Variants in CNOT7 observed in about 807,000 individuals in gnomAD.
CNOT7 encodes the protein CCR4-NOT transcription complex subunit 7, also known as BTG1-binding factor 1.
In CNOT7, 4 loss-of-function variants were observed where a neutral mutation model predicts 37.1. The ratio of observed to expected loss-of-function variants is 0.11; its 90% CI spans 0.05 to 0.25. The LOEUF is 0.25. Ranked by LOEUF, CNOT7 falls within the 10% of genes least tolerant of loss-of-function variation. The pLI, the probability that CNOT7 is intolerant of heterozygous loss-of-function variation, is 1.00. For synonymous variants in CNOT7, 128 were observed against 115.6 expected, an observed-to-expected ratio of 1.11 and a Z score of -0.69; for missense variants, 170 against 336.2, an observed-to-expected ratio of 0.51 and a Z score of 3.87.
rs561994425 is a variant in CNOT7, at chr8:17,226,132, A to C, written c.*4588T>G. ...AGGACATTATTTAGGTACTCAAGGA[A>C]ACTTTTCACCAAATTTTTATTCTAA... On this transcript the variant is annotated 3_prime_UTR_variant, in exon 7 of 7. Coordinates refer to ENST00000361272, the MANE Select transcript of CNOT7 (RefSeq NM_013354.7). 1 of 148,418 alleles carries C rather than the reference A, an allele frequency of 6.7e-6. No individual in the cohort carries two copies. The highest frequency in any genetic ancestry group is 2.1e-4 in the South Asian group (1 of 4,774). The allele number at this position is 148,418 out of a possible 1,614,324, so 9.2% of individuals were successfully genotyped here.
At chr8:17,238,188 A>T (rs1468407734) in intron 3 of CNOT7, among the ~76,000 whole-genome samples, 1 of 152,198 alleles carries the variant, frequency 6.6e-6, no homozygotes, top group Non-Finnish European at 1.5e-5. Context: ...TTACCAAAAT[A>T]CAGATACATT....
At chr8:17,243,520 A>C (rs1177264215) in intron 2 of CNOT7, 3 of 485,126 alleles carry the variant, frequency 6.2e-6, no homozygotes, top group African/African-American at 3.9e-5. Context: ...CAGTATTCCA[A>C]TGCTAAAACC....
intron 3 of CNOT7, chr8:17,242,154 T>C (rs1810258722): frequency 1.3e-5 from 2 of 152,180 alleles, no homozygotes; most frequent in Non-Finnish European, 2.9e-5. Context: ...AATCCACATA[T>C]ACACGAGAAC....
chr8:17,240,110 ATCTT>A (rs1351479359), intron 3 of CNOT7, among the ~76,000 whole-genome samples: 1 of 152,160 alleles, frequency 6.6e-6, no homozygotes, highest in Non-Finnish European at 1.5e-5. Context: ...GTCAATTTTG[ATCTT>A]TCTTCCAAAT....
At chr8:17,232,268 A>C in intron 6 of CNOT7, 159 bp downstream of exon 6, 2 of 1,469,850 alleles carry the variant, frequency 1.4e-6, no homozygotes, top group Admixed American at 5.7e-5. Context: ...AAGATGACTT[A>C]TTTTTGAATA....
intron 4 of CNOT7, among the ~76,000 whole-genome samples, chr8:17,235,318 A>G (rs1257596448): frequency 3.9e-5 from 6 of 152,212 alleles, no homozygotes; most frequent in Non-Finnish European, 8.8e-5. Context: ...AAGTCATCCC[A>G]CTTTTACATA....
At chr8:17,242,676 C>G in intron 3 of CNOT7, 2 of 196,108 alleles carry the variant, frequency 1.0e-5, no homozygotes, top group East Asian at 2.6e-4. Flanking sequence ...GGCTATATTT[C>G]AAATTGCACA....
chr8:17,244,978 T>C (rs1585855771), intron 2 of CNOT7, 58 bp downstream of exon 2: 3 of 1,377,182 alleles, frequency 2.2e-6, no homozygotes, highest in East Asian at 2.4e-5. Context: ...TTCAAGACTT[T>C]AAAATTTCCT....
In CNOT7 at chr8:17,225,056, A is replaced by G. The variant is rs1808072913; in HGVS notation, c.*5664T>C. 1 of 151,750 alleles carries G rather than the reference A, an allele frequency of 6.6e-6. No individual in the cohort carries two copies. Among genetic ancestry groups the G allele is most frequent in the African/African-American group, 2.4e-5 (1 of 41,426 alleles). The allele number at this position is 151,750 out of a possible 1,614,324, so 9.4% of individuals were successfully genotyped here. A position where few individuals can be genotyped will look rare whatever the true frequency, so the allele number is the denominator to read the frequency against. ...TACAGTATTAATTTTTTAGAAAAACAAAACAGGTATATGGCATGAGTGAAA... is the reference window on the plus strand; with the variant it reads ...TACAGTATTAATTTTTTAGAAAAACGAAACAGGTATATGGCATGAGTGAAA... On this transcript the variant is annotated 3_prime_UTR_variant, in exon 7 of 7. Coordinates refer to ENST00000361272, the MANE Select transcript of CNOT7 (RefSeq NM_013354.7).
intron 2 of CNOT7, chr8:17,244,461 CAT>C (rs145734268): frequency 0.088 from 13,346 of 152,336 alleles, 668 homozygotes; most frequent in South Asian, 0.19. Context: ...ACCTGGCACT[CAT>C]AGCCACGCCC....
chr8:17,233,457 T>C (rs894463703), intron 5 of CNOT7, among the ~76,000 whole-genome samples: 1 of 152,188 alleles, frequency 6.6e-6, no homozygotes, highest in Non-Finnish European at 1.5e-5. Flanking sequence ...AGCACCTTTG[T>C]CGTTAACCTG....
At chr8:17,232,612 C>T (rs914294104) in intron 5 of CNOT7, 75 bp from the exon 6 acceptor site, 38 of 1,275,026 alleles carry the variant, frequency 3.0e-5, no homozygotes, top group Admixed American at 2.6e-4. Flanking sequence ...TAAACTTAGA[C>T]GCTGACCAAA....
At chr8:17,245,389 T>C (rs1810787135) in intron 1 of CNOT7, 142 bp from the exon 2 acceptor site, 1 of 398,814 alleles carries the variant, frequency 2.5e-6, no homozygotes, top group Non-Finnish European at 4.4e-6. Context: ...GAAAGTAACT[T>C]AAGGTCACAC....
chr8:17,244,516 C>G (rs1358131077), intron 2 of CNOT7: 1 of 152,272 alleles, frequency 6.6e-6, no homozygotes, highest in Non-Finnish European at 1.5e-5. Flanking sequence ...AGTTCAACCT[C>G]AAATAAGGCC....
At chr8:17,230,916 T>C (rs1231584817) in intron 6 of CNOT7, 68 bp from the exon 7 acceptor site, 5 of 1,185,890 alleles carry the variant, frequency 4.2e-6, no homozygotes, top group Non-Finnish European at 6.0e-6. Flanking sequence ...TAATTTATAT[T>C]TCAGCAATGT....
intron 6 of CNOT7, chr8:17,231,947 A>T (rs1808688876): frequency 2.0e-6 from 2 of 987,526 alleles, no homozygotes; most frequent in South Asian, 9.3e-5. Flanking sequence ...TTCTCTATAA[A>T]ATCTTCAAAG....
rs542781100 is a variant in CNOT7, at chr8:17,225,888, T to C, written c.*4832A>G. ...TTCTAACACATTTATTTTATAGACATGAGATAACATATGCATTCATAATTT... is the reference window on the plus strand; with the variant it reads ...TTCTAACACATTTATTTTATAGACACGAGATAACATATGCATTCATAATTT... On this transcript the variant is annotated 3_prime_UTR_variant, in exon 7 of 7. Transcript: ENST00000361272. 5 of 151,746 alleles carry C rather than the reference T, an allele frequency of 3.3e-5. No homozygotes were observed. The South Asian group carries it at 1.0e-3, about 31-fold the overall frequency. 9.4% of individuals were successfully genotyped at this position (151,746 alleles called of 1,614,324 possible). A position where few individuals can be genotyped will look rare whatever the true frequency, so the allele number is the denominator to read the frequency against.
chr8:17,240,262 C>T (rs1585827038), intron 3 of CNOT7, among the ~76,000 whole-genome samples: 2 of 152,224 alleles, frequency 1.3e-5, no homozygotes, highest in South Asian at 4.1e-4. Flanking sequence ...TCAAGCTTGT[C>T]CAACCTGCAG....
chr8:17,237,571 T>C, intron 3 of CNOT7, 198 bp from the exon 4 acceptor site: 1 of 538,152 alleles, frequency 1.9e-6, no homozygotes. Flanking sequence ...GTGTTTCGAA[T>C]AAAAAATCAT....
Sources: gnomAD v4.1 joint callset for allele counts (sites outside exome capture counted in the v4.1 genomes callset) on GRCh38, gnomAD v4.1.1 for gene constraint, MANE v1.5 for transcripts, NCBI Gene and HGNC (gene_info 2026-07-23, HGNC 2026-07-21) for gene names.